The following MED12L variants were observed in gnomAD, a reference collection of about 807,000 sequenced individuals.
MED12L encodes the protein mediator complex subunit 12L.
A neutral mutation model predicts 281.3 loss-of-function variants in MED12L; 60 were observed. The observed-to-expected ratio is 0.21, with a 90% CI of 0.17 to 0.26. The LOEUF (loss-of-function observed/expected upper bound fraction) is 0.26. Among genes scored for constraint, MED12L ranks in the 10% least tolerant of loss-of-function variants. The pLI, the probability that MED12L is intolerant of heterozygous loss-of-function variation, is 1.00. For missense variants in MED12L, 2,146 were observed against 2,680.9 expected, an observed-to-expected ratio of 0.80 and a Z score of 4.41; for synonymous variants, 974 against 987.2, an observed-to-expected ratio of 0.99 and a Z score of 0.25.
intron 16 of MED12L, among the ~76,000 whole-genome samples, chr3:151,229,273 T>G (rs1352374405): frequency 6.6e-6 from 1 of 151,886 alleles, no homozygotes; most frequent in Non-Finnish European, 1.5e-5. Flanking sequence ...TAATAAAACA[T>G]ACTGTGGTAA....
intron 16 of MED12L, among the ~76,000 whole-genome samples, chr3:151,310,755 C>T (rs1577301118): frequency 6.6e-6 from 1 of 152,110 alleles, no homozygotes; most frequent in Non-Finnish European, 1.5e-5. Context: ...TTAAGCATCT[C>T]CATAAAACAC....
chr3:151,423,736 T>C (rs1445547070), intron 43 of MED12L, among the ~76,000 whole-genome samples: 1 of 152,250 alleles, frequency 6.6e-6, no homozygotes, highest in Non-Finnish European at 1.5e-5. Context: ...TGACAGACCA[T>C]GATCTATTCT....
intron 16 of MED12L, among the ~76,000 whole-genome samples, chr3:151,286,133 C>T (rs1743475931): frequency 1.3e-5 from 2 of 152,122 alleles, no homozygotes; most frequent in South Asian, 4.1e-4. Context: ...TCCTGTGACC[C>T]CGCTGTTGTA....
chr3:151,321,534 GA>G (rs1307819043), intron 16 of MED12L, among the ~76,000 whole-genome samples: 21 of 152,236 alleles, frequency 1.4e-4, no homozygotes, highest in African/African-American at 5.1e-4. Flanking sequence ...CCAAAGCTAT[GA>G]AAGCCTTCAG....
At chr3:151,170,966 C>T (rs563973368) in intron 11 of MED12L, among the ~76,000 whole-genome samples, 3 of 152,288 alleles carry the variant, frequency 2.0e-5, no homozygotes, top group East Asian at 3.9e-4. Context: ...GATCATCCAA[C>T]ATTTCAAGAG....
intron 16 of MED12L, chr3:151,219,704 A>T (rs1728944847): frequency 1.3e-5 from 2 of 152,190 alleles, no homozygotes; most frequent in Non-Finnish European, 2.9e-5. Context: ...TATTGGGAAA[A>T]TATGTCTGTA....
At chr3:151,115,505 C>A (rs187557159) in intron 2 of MED12L, among the ~76,000 whole-genome samples, 1 of 151,362 alleles carries the variant, frequency 6.6e-6, no homozygotes, top group Non-Finnish European at 1.5e-5. Context: ...CCTGCCACCA[C>A]GCCCAGCTAA....
intron 16 of MED12L, among the ~76,000 whole-genome samples, chr3:151,305,448 G>GA (rs1746512719): frequency 6.6e-6 from 1 of 152,126 alleles, no homozygotes; most frequent in Non-Finnish European, 1.5e-5. Flanking sequence ...GAGGTTGGTG[G>GA]AAAAGGATTA....
chr3:151,199,471 A>G, intron 16 of MED12L: 1 of 1,163,226 alleles, frequency 8.6e-7, no homozygotes, highest in South Asian at 1.5e-5. Context: ...GGAGGTTAGT[A>G]ATTAAAATTA....
chr3:151,369,278 G>A (rs980854163), intron 25 of MED12L, among the ~76,000 whole-genome samples, 158 bp from the exon 26 acceptor site: 1 of 152,124 alleles, frequency 6.6e-6, no homozygotes, highest in South Asian at 2.1e-4. Context: ...GAGGAATACT[G>A]GCCATGTTTC....
intron 27 of MED12L, among the ~76,000 whole-genome samples, chr3:151,375,751 T>A (rs1300441917): frequency 1.3e-5 from 2 of 152,120 alleles, no homozygotes; most frequent in Non-Finnish European, 2.9e-5. Flanking sequence ...AGACCTTACT[T>A]TCCAGTTAAA....
At chr3:151,272,460 C>G (rs990554430) in intron 16 of MED12L, among the ~76,000 whole-genome samples, 10 of 152,174 alleles carry the variant, frequency 6.6e-5, no homozygotes, top group Non-Finnish European at 2.9e-5. Flanking sequence ...CTTCTGTTCT[C>G]CAGGTGCACC....
chr3:151,145,768 T>C lies in MED12L; in HGVS notation c.557-10393T>C, dbSNP rs140955040. 7.9e-5 allele frequency among the ~76,000 whole-genome samples: 12 copies of C among 152,330 alleles called. No individual in the cohort carries two copies. The South Asian group carries it at 1.9e-3, about 24-fold the overall frequency. The stretch of plus-strand genomic sequence containing the variant: ...CCCTGCCACCCCTCCCCAGCTGTTC[T>C]CTGTAATTCCACATCTCCGTTGATG... On this transcript the variant is annotated intron_variant, in intron 5 of 44. Coordinates refer to ENST00000687756, the MANE Select transcript of MED12L (RefSeq NM_001393769.1).
intron 16 of MED12L, chr3:151,300,066 C>G (rs760987056): frequency 6.3e-7 from 1 of 1,593,816 alleles, no homozygotes; most frequent in Non-Finnish European, 8.6e-7. Flanking sequence ...CGACGGCTTA[C>G]TTGGTAATTT....
chr3:151,134,242 T>C (rs1415487512), intron 5 of MED12L, among the ~76,000 whole-genome samples: 1 of 151,872 alleles, frequency 6.6e-6, no homozygotes, highest in Non-Finnish European at 1.5e-5. Context: ...ACCAGGTCTA[T>C]TGGCTCTCTG....
intron 43 of MED12L, chr3:151,425,690 C>A: frequency 2.2e-6 from 1 of 456,660 alleles, no homozygotes. Context: ...CTTGTGGTTA[C>A]AGCAGGAGCA....
intron 3 of MED12L, among the ~76,000 whole-genome samples, chr3:151,118,043 A>G (rs532057525): frequency 2.7e-5 from 4 of 146,330 alleles, no homozygotes; most frequent in African/African-American, 1.0e-4. Flanking sequence ...GTGAGCCGAG[A>G]TTGCGCCGCT....
intron 16 of MED12L, among the ~76,000 whole-genome samples, chr3:151,223,615 T>C (rs1215397416): frequency 6.6e-6 from 1 of 152,190 alleles, no homozygotes; most frequent in Non-Finnish European, 1.5e-5. Context: ...ATATTTTCAC[T>C]TATAAGTGGG....
intron 28 of MED12L, 90 bp from the exon 29 acceptor site, chr3:151,376,710 T>C (rs946920129): frequency 4.7e-6 from 5 of 1,053,870 alleles, no homozygotes; most frequent in Non-Finnish European, 7.2e-6. Flanking sequence ...ATTATTCTGC[T>C]CTTTCTTGAG....
Sources: gnomAD v4.1 joint callset for allele counts (sites outside exome capture counted in the v4.1 genomes callset) on GRCh38, gnomAD v4.1.1 for gene constraint, MANE v1.5 for transcripts, NCBI Gene and HGNC (gene_info 2026-07-23, HGNC 2026-07-21) for gene names.